The following PARP16 variants were observed in gnomAD, a reference collection of about 807,000 sequenced individuals.
The protein encoded by PARP16 is poly(ADP-ribose) polymerase family member 16, also known as protein mono-ADP-ribosyltransferase PARP16.
In PARP16, 31 loss-of-function variants were observed where a neutral mutation model predicts 35.0. The ratio of observed to expected loss-of-function variants is 0.88; its 90% CI spans 0.66 to 1.19. The LOEUF (loss-of-function observed/expected upper bound fraction) is 1.19. Ranked by LOEUF, PARP16 falls within the 50% of genes most tolerant of loss-of-function variation. The probability of loss-of-function intolerance (pLI) is 0.00; values close to 1 mark genes in which losing one functional copy is unlikely to be tolerated. For synonymous variants in PARP16, 162 were observed against 169.5 expected (o/e 0.96, Z 0.34); for missense variants, 424 against 411.2 (o/e 1.03, Z -0.27).
intron 2 of PARP16, among the ~76,000 whole-genome samples, 169 bp from the exon 3 acceptor site, chr15:65,266,937 C>T (rs1202549801): frequency 6.6e-6 from 1 of 152,146 alleles, no homozygotes; most frequent in Non-Finnish European, 1.5e-5. Context: ...CACAAGACTG[C>T]TTTCTTTAAT....
At chr15:65,285,391 G>A in intron 1 of PARP16, 1 of 194,916 alleles carries the variant, frequency 5.1e-6, no homozygotes, top group Non-Finnish European at 1.1e-5. Context: ...TGCCCGCCTT[G>A]GCCTCCCAAA....
chr15:65,267,435 G>A (rs186713377), intron 2 of PARP16, among the ~76,000 whole-genome samples: 18 of 150,096 alleles, frequency 1.2e-4, no homozygotes, highest in East Asian at 6.1e-4. Flanking sequence ...GTGAAACCCC[G>A]TCTCTACTAA....
intron 3 of PARP16, among the ~76,000 whole-genome samples, chr15:65,243,530 C>T (rs1031982895): frequency 2.0e-5 from 3 of 152,162 alleles, no homozygotes; most frequent in African/African-American, 4.8e-5. Flanking sequence ...GGATTACAGG[C>T]GTGAGTGGCC....
At chr15:65,255,745 AAAAAAAAAAAAAAAAAG>A (rs1179210276), downstream of PARP16, among the ~76,000 whole-genome samples, 1 of 93,900 alleles carries the variant, frequency 1.1e-5, no homozygotes, top group East Asian at 2.6e-4. Context: ...AAAACTCAGA[AAAAAAAAAAAAAAAAAG>A]AAAAAAAAAA....
At chr15:65,255,477 A>G (rs920689), downstream of PARP16, among the ~76,000 whole-genome samples, 68,262 of 151,740 alleles carry the variant, frequency 0.45, 16,420 homozygotes, top group East Asian at 0.87. Flanking sequence ...AAAAGTGCCC[A>G]GGGCCCATGG....
intron 3 of PARP16, among the ~76,000 whole-genome samples, chr15:65,244,988 G>A (rs2089171105): frequency 6.6e-6 from 1 of 152,184 alleles, no homozygotes. Flanking sequence ...AAAGGCCCAG[G>A]CCTACCCCTA....
downstream of PARP16, among the ~76,000 whole-genome samples, chr15:65,254,876 T>C (rs896396794): frequency 2.9e-4 from 44 of 152,312 alleles, no homozygotes; most frequent in African/African-American, 1.0e-3. Flanking sequence ...TCCCCTATTC[T>C]ACCTCTCTCT....
At position 65,259,390 on chromosome 15, in the gene PARP16, C is replaced by T; in HGVS notation, c.*17G>A. The T allele has an allele frequency of 6.2e-7, 1 of 1,613,966 alleles. No individual in the cohort carries two copies. Among genetic ancestry groups the T allele is most frequent in the Non-Finnish European group, 8.5e-7 (1 of 1,179,862 alleles). On this transcript the variant is annotated 3_prime_UTR_variant, in exon 6 of 6. Transcript: ENST00000649807. ...AGGCACATAGTTGAGGTAGCCCCCA[C>T]ACCAGGCCCAGAAAGATTATCTTTT...
intron 3 of PARP16, among the ~76,000 whole-genome samples, chr15:65,239,923 T>A (rs1364799430): frequency 6.8e-6 from 1 of 146,360 alleles, no homozygotes; most frequent in East Asian, 2.0e-4. Flanking sequence ...CCCAAAGTTT[T>A]CGGATTACAG....
intron 3 of PARP16, among the ~76,000 whole-genome samples, chr15:65,237,650 A>G (rs2088922344): frequency 6.6e-6 from 1 of 152,138 alleles, no homozygotes; most frequent in South Asian, 2.1e-4. Context: ...GAAGAGTCAA[A>G]GAACAACATC....
intron 3 of PARP16, among the ~76,000 whole-genome samples, chr15:65,236,674 A>C (rs1437724425): frequency 6.6e-6 from 1 of 152,194 alleles, no homozygotes; most frequent in Non-Finnish European, 1.5e-5. Context: ...ACTTCCGCAT[A>C]AAAGTTGTGG....
intron 3 of PARP16, 85 bp from the exon 4 acceptor site, chr15:65,263,405 G>C (rs1243327845): frequency 8.5e-7 from 1 of 1,173,198 alleles, no homozygotes; most frequent in South Asian, 1.5e-5. Flanking sequence ...CTCTCTTCAA[G>C]AGTTGTAAAC....
downstream of PARP16, among the ~76,000 whole-genome samples, chr15:65,232,916 CAAACA>C (rs1330743833): frequency 4.4e-4 from 1 of 2,290 alleles, no homozygotes; most frequent in Non-Finnish European, 1.2e-3. Flanking sequence ...CAAAACAAAA[CAAACA>C]AAAAAAACAG....
chr15:65,256,057 G>A (rs943425661), downstream of PARP16, among the ~76,000 whole-genome samples: 2 of 152,294 alleles, frequency 1.3e-5, no homozygotes, highest in East Asian at 3.9e-4. Flanking sequence ...ACACTTCTCA[G>A]GTATAACCGT....
chr15:65,244,110 T>C (rs1186986649), intron 3 of PARP16, among the ~76,000 whole-genome samples: 2 of 152,192 alleles, frequency 1.3e-5, no homozygotes, highest in African/African-American at 4.8e-5. Flanking sequence ...CACAGGCTCT[T>C]TGCATGGTCG....
chr15:65,237,048 G>T (rs532382145), intron 3 of PARP16, among the ~76,000 whole-genome samples: 5 of 151,936 alleles, frequency 3.3e-5, no homozygotes, highest in Non-Finnish European at 7.4e-5. Flanking sequence ...AGAGTGATAT[G>T]AACACATTTA....
At chr15:65,261,834 T>A (rs1054170237) in intron 4 of PARP16, among the ~76,000 whole-genome samples, 5 of 152,186 alleles carry the variant, frequency 3.3e-5, no homozygotes, top group African/African-American at 1.2e-4. Flanking sequence ...GTACCAAGAC[T>A]TGTTTTAAAA....
At chr15:65,273,987 C>G (rs1304329307) in intron 1 of PARP16, among the ~76,000 whole-genome samples, 3 of 152,094 alleles carry the variant, frequency 2.0e-5, no homozygotes, top group Non-Finnish European at 1.5e-5. Flanking sequence ...GGGTCACGCT[C>G]TGTTGCCCAG....
intron 3 of PARP16, among the ~76,000 whole-genome samples, chr15:65,242,275 T>C (rs1193337410): frequency 6.6e-6 from 1 of 152,246 alleles, no homozygotes; most frequent in Non-Finnish European, 1.5e-5. Context: ...ATTGTAGCTC[T>C]GTCTGTAGTC....
Sources: allele counts gnomAD v4.1 joint callset (sites outside exome capture counted in the v4.1 genomes callset), GRCh38; gene constraint gnomAD v4.1.1; transcripts MANE v1.5; gene names NCBI Gene and HGNC (gene_info 2026-07-23, HGNC 2026-07-21).